VAV3: variants seen among roughly 807,000 people sequenced by gnomAD.
The protein encoded by VAV3 is guanine nucleotide exchange factor VAV3.
VAV3 carries 94 observed loss-of-function variants against 131.2 expected under a neutral mutation model. The ratio of observed to expected loss-of-function variants is 0.72; its 90% CI spans 0.61 to 0.85. The LOEUF (loss-of-function observed/expected upper bound fraction) is 0.85. Ranked by LOEUF, VAV3 falls within the 40% of genes least tolerant of loss-of-function variation. VAV3 has a pLI of 0.00. For synonymous variants in VAV3, 349 were observed against 342.0 expected, an observed-to-expected ratio of 1.02 and a Z score of -0.22; for missense variants, 939 against 1,002.7, an observed-to-expected ratio of 0.94 and a Z score of 0.86.
intron 2 of VAV3, among the ~76,000 whole-genome samples, chr1:107,868,098 T>C (rs1670085875): frequency 6.6e-6 from 1 of 152,182 alleles, no homozygotes; most frequent in Admixed American, 6.5e-5. Context: ...TCTTGTGCAA[T>C]AGCACCACAC....
chr1:107,673,344 T>C (rs1297994012), intron 19 of VAV3, among the ~76,000 whole-genome samples: 5 of 152,130 alleles, frequency 3.3e-5, no homozygotes, highest in Non-Finnish European at 7.4e-5. Flanking sequence ...TGGTTTTCCT[T>C]CCATTCTCTT....
At chr1:107,621,582 G>A (rs566142379) in intron 20 of VAV3, among the ~76,000 whole-genome samples, 3 of 152,196 alleles carry the variant, frequency 2.0e-5, no homozygotes, top group African/African-American at 4.8e-5. Flanking sequence ...TGCACTTTAT[G>A]TGATGATATG....
chr1:107,824,513 C>T (rs761178856), intron 2 of VAV3, among the ~76,000 whole-genome samples: 30 of 152,100 alleles, frequency 2.0e-4, no homozygotes, highest in Non-Finnish European at 2.9e-4. Context: ...CAGATAAATA[C>T]GGCCAGCCTT....
At chr1:107,899,981 T>C (rs192516691) in intron 1 of VAV3, among the ~76,000 whole-genome samples, 1 of 152,286 alleles carries the variant, frequency 6.6e-6, no homozygotes, top group East Asian at 1.9e-4. Flanking sequence ...TCCATAAAAT[T>C]CCTTTTTTTA....
intron 9 of VAV3, among the ~76,000 whole-genome samples, chr1:107,761,225 TG>T (rs1261333388): frequency 2.0e-5 from 3 of 151,608 alleles, no homozygotes; most frequent in Non-Finnish European, 2.9e-5. Flanking sequence ...CCATCTCTAC[TG>T]AAAATACAAA....
At chr1:107,753,549 T>TATATATATATATATATATACACACACAC (rs771773884) in intron 12 of VAV3, among the ~76,000 whole-genome samples, 11 of 81,938 alleles carry the variant, frequency 1.3e-4, no homozygotes, top group Admixed American at 3.7e-4. Flanking sequence ...TATATATATA[T>TATATATATATATATATATACACACACAC]ACACACACAC....
chr1:107,858,936 T>C (rs1384704171), intron 2 of VAV3, among the ~76,000 whole-genome samples: 2 of 152,158 alleles, frequency 1.3e-5, no homozygotes, highest in Non-Finnish European at 2.9e-5. Flanking sequence ...TTTGACAAAG[T>C]GTAAATGGCT....
intron 2 of VAV3, among the ~76,000 whole-genome samples, chr1:107,792,839 C>T (rs554162496): frequency 7.2e-5 from 11 of 152,258 alleles, no homozygotes; most frequent in African/African-American, 2.6e-4. Context: ...AGGCTACCAG[C>T]TTGTACCCTC....
chr1:107,917,089 C>T (rs1391875740), intron 1 of VAV3, among the ~76,000 whole-genome samples: 7 of 152,070 alleles, frequency 4.6e-5, no homozygotes, highest in African/African-American at 1.7e-4. Context: ...AAGCTGGGTG[C>T]AGAAAGTCAT....
At chr1:107,632,531 A>G (rs1654582287) in intron 20 of VAV3, among the ~76,000 whole-genome samples, 1 of 152,230 alleles carries the variant, frequency 6.6e-6, no homozygotes, top group African/African-American at 2.4e-5. Flanking sequence ...TTTGCTGGCT[A>G]AAAATTCTTT....
chr1:107,734,468 C>T (rs1439689325), intron 15 of VAV3, among the ~76,000 whole-genome samples: 1 of 152,180 alleles, frequency 6.6e-6, no homozygotes, highest in African/African-American at 2.4e-5. Flanking sequence ...AGACCCATCT[C>T]ACGTGCAGAG....
intron 25 of VAV3, among the ~76,000 whole-genome samples, chr1:107,581,717 A>G (rs1180723498): frequency 1.3e-5 from 2 of 152,224 alleles, no homozygotes; most frequent in Non-Finnish European, 1.5e-5. Flanking sequence ...TTTGATGCCT[A>G]TACTTTTGTT....
chr1:107,949,317 T>A (rs540811581), intron 1 of VAV3, among the ~76,000 whole-genome samples: 21,952 of 152,090 alleles, frequency 0.14, 1,764 homozygotes, highest in South Asian at 0.22. Flanking sequence ...TTTTTGTTTG[T>A]TTGTTTGTTT....
chr1:107,767,269 T>C (rs1664783894), intron 7 of VAV3, among the ~76,000 whole-genome samples: 1 of 152,212 alleles, frequency 6.6e-6, no homozygotes, highest in South Asian at 2.1e-4. Flanking sequence ...CAACTAATTT[T>C]CAGTCAGGCA....
intron 19 of VAV3, among the ~76,000 whole-genome samples, chr1:107,668,488 A>T (rs1431104427): frequency 6.6e-6 from 1 of 152,194 alleles, no homozygotes; most frequent in Non-Finnish European, 1.5e-5. Context: ...AGCATGTAAA[A>T]CCTCTAGTAC....
intron 19 of VAV3, among the ~76,000 whole-genome samples, chr1:107,662,476 C>T (rs1657092263): frequency 6.6e-6 from 1 of 152,180 alleles, no homozygotes; most frequent in South Asian, 2.1e-4. Context: ...CTCTCACACA[C>T]ACACACAGTG....
intron 22 of VAV3, 176 bp downstream of exon 22, chr1:107,609,755 A>C (rs1652576581): frequency 1.6e-6 from 1 of 616,238 alleles, no homozygotes; most frequent in Non-Finnish European, 2.8e-6. Context: ...CTCGCAGATA[A>C]AGATATGGAA....
At chr1:107,668,975 G>A in intron 19 of VAV3, 1 of 995,160 alleles carries the variant, frequency 1.0e-6, no homozygotes, top group Non-Finnish European at 1.2e-6. Context: ...CGATACGGGT[G>A]TGGGGTTCAG....
chr1:107,829,772 T>C (rs1668166865), intron 2 of VAV3, among the ~76,000 whole-genome samples: 2 of 152,200 alleles, frequency 1.3e-5, no homozygotes, highest in African/African-American at 4.8e-5. Flanking sequence ...AATGTCAGTC[T>C]AGCTTACATT....
Sources: gnomAD v4.1 joint callset for allele counts (sites outside exome capture counted in the v4.1 genomes callset) on GRCh38, gnomAD v4.1.1 for gene constraint, MANE v1.5 for transcripts, NCBI Gene and HGNC (gene_info 2026-07-23, HGNC 2026-07-21) for gene names.